ARID4A: variants seen among roughly 807,000 people sequenced by gnomAD.
ARID4A encodes AT-rich interaction domain 4A.
A neutral mutation model predicts 148.6 loss-of-function variants in ARID4A; 39 were observed. That is an observed-to-expected ratio of 0.26 (90% CI 0.20 to 0.34). ARID4A has a LOEUF of 0.34. ARID4A is among the 10% of genes least tolerant of loss of function. The pLI is 1.00. For synonymous variants in ARID4A, 475 were observed against 481.2 expected (o/e 0.99, Z 0.17); for missense variants, 1,265 against 1,449.1 (o/e 0.87, Z 2.06).
chr14:58,308,346 A>G (rs2031766052), intron 5 of ARID4A, among the ~76,000 whole-genome samples: 1 of 152,252 alleles, frequency 6.6e-6, no homozygotes, highest in Non-Finnish European at 1.5e-5. Flanking sequence ...AAGCCTCTCC[A>G]ATTAGTAGGC....
chr14:58,314,143 A>G (rs2032247392), intron 5 of ARID4A, among the ~76,000 whole-genome samples: 1 of 152,246 alleles, frequency 6.6e-6, no homozygotes, highest in African/African-American at 2.4e-5. Flanking sequence ...TTTGGAAAAT[A>G]TAAGACATTT....
intron 11 of ARID4A, among the ~76,000 whole-genome samples, chr14:58,335,836 G>A (rs556715305): frequency 1.3e-5 from 2 of 152,136 alleles, no homozygotes; most frequent in African/African-American, 4.8e-5. Context: ...CTACCTGCTC[G>A]AATAGCTCTC....
intron 9 of ARID4A, among the ~76,000 whole-genome samples, chr14:58,328,991 CA>C (rs10712188): frequency 0.69 from 98,955 of 142,434 alleles, 33,855 homozygotes; most frequent in African/African-American, 0.79. Context: ...GACTCTGTCT[CA>C]AAAAAAAAAA....
intron 5 of ARID4A, 86 bp downstream of exon 5, chr14:58,306,198 T>G: frequency 1.1e-6 from 1 of 948,572 alleles, no homozygotes; most frequent in Non-Finnish European, 1.7e-6. Context: ...ATTGTGTTGG[T>G]GGAGAAATAT....
intron 14 of ARID4A, 108 bp from the exon 15 acceptor site, chr14:58,347,539 A>AT: frequency 1.2e-6 from 1 of 854,972 alleles, no homozygotes. Context: ...AGTAACAAAA[A>AT]TTTTTTTAAA....
intron 5 of ARID4A, among the ~76,000 whole-genome samples, chr14:58,306,602 G>A (rs1451253859): frequency 2.6e-5 from 4 of 152,208 alleles, no homozygotes; most frequent in African/African-American, 9.6e-5. Context: ...TCAAGGTCGG[G>A]CATGTTGGCT....
Position 58,350,087 on chromosome 14 carries a change from C to T in ARID4A, c.1405-986C>T, listed in dbSNP as rs977137376. ...ACTGCTCTCCAGCCTGGCAACAGAG[C>T]GAGACTCTGTCTTAAAAAAAAAAAA... is the stretch of plus-strand genomic sequence containing the variant. On this transcript the variant is annotated intron_variant, in intron 15 of 23. Transcript: ENST00000355431. Among the ~76,000 whole-genome samples the T allele has an allele frequency of 4.7e-5, 6 of 126,992 alleles. No homozygotes were observed. The South Asian group carries it at 9.8e-4, about 21-fold the overall frequency. 83.3% of individuals were successfully genotyped at this position (126,992 alleles called of 152,430 possible). A position where few individuals can be genotyped will look rare whatever the true frequency, so the allele number is the denominator to read the frequency against.
At chr14:58,323,995 T>C (rs1019119244) in intron 8 of ARID4A, among the ~76,000 whole-genome samples, 2 of 148,782 alleles carry the variant, frequency 1.3e-5, no homozygotes, top group Admixed American at 6.8e-5. Flanking sequence ...AGCTCTGCCT[T>C]CCGGGTTCAC....
chr14:58,313,706 A>G (rs1236042555), intron 5 of ARID4A, among the ~76,000 whole-genome samples: 2 of 152,232 alleles, frequency 1.3e-5, no homozygotes, highest in Non-Finnish European at 2.9e-5. Flanking sequence ...AGCTGAGGAT[A>G]TAATTCTTAG....
chr14:58,347,748 A>G lies in ARID4A; in HGVS notation c.1274A>G (p.Glu425Gly), dbSNP rs1488951391. The stretch of plus-strand genomic sequence containing the variant: ...GTAAAAGAGGAAAAAAAAGACTTAG[A>G]AGAATCAATGGAAGAGGCTCTCAAA... Reference protein sequence around the residue: ...PKVKEEKKDLEESMEEALKLD... With the variant: ...PKVKEEKKDLGESMEEALKLD... The change falls in exon 15 of 24, where the codon GAA (glutamate) becomes GGA (glycine). Residue 425 changes from glutamate (E) to glycine (G), a missense_variant. Glu to Gly is a moderately conservative substitution (Grantham distance 98). Coordinates refer to ENST00000355431, the MANE Select transcript of ARID4A (RefSeq NM_002892.4). 6.2e-7 allele frequency: 1 copy of G among 1,613,772 alleles called. No individual in the cohort carries two copies. The highest frequency in any genetic ancestry group is 1.7e-5 in the Admixed American group (1 of 60,004).
intron 7 of ARID4A, among the ~76,000 whole-genome samples, chr14:58,320,867 A>G (rs889030057): frequency 2.6e-5 from 4 of 152,126 alleles, no homozygotes; most frequent in African/African-American, 7.2e-5. Context: ...TCGGCCTCCC[A>G]AAGTGTTGGG....
chr14:58,307,583 G>A (rs1479055022), intron 5 of ARID4A, among the ~76,000 whole-genome samples: 1 of 152,202 alleles, frequency 6.6e-6, no homozygotes, highest in Non-Finnish European at 1.5e-5. Flanking sequence ...ACTTTAGGGG[G>A]GCGAGGTGGG....
In ARID4A at chr14:58,301,707, T is replaced by A; in HGVS notation, c.117+17T>A. The A allele has an allele frequency of 6.3e-7, 1 of 1,589,576 alleles. No homozygotes were observed. Among genetic ancestry groups the A allele is most frequent in the Non-Finnish European group, 8.6e-7 (1 of 1,159,504 alleles). On this transcript the variant is annotated intron_variant, in intron 3 of 23. Coordinates refer to ENST00000355431, the MANE Select transcript of ARID4A (RefSeq NM_002892.4). Reference sequence around the variant, plus strand: ...AAAGTTAAGGTAATATTTGTTTTTATGCAATAGTTTTATTAACTCTAGATT... The same window carrying A: ...AAAGTTAAGGTAATATTTGTTTTTAAGCAATAGTTTTATTAACTCTAGATT...
chr14:58,299,424 C>A (rs1175246543), intron 1 of ARID4A: 1 of 165,252 alleles, frequency 6.1e-6, no homozygotes, highest in African/African-American at 2.4e-5. Context: ...GTCGGGGTAT[C>A]CGGGGGACCG....
intron 8 of ARID4A, among the ~76,000 whole-genome samples, chr14:58,326,660 G>T (rs1016318021): frequency 1.3e-5 from 2 of 152,160 alleles, no homozygotes; most frequent in Admixed American, 6.5e-5. Context: ...GTTTAGGAAC[G>T]TGAATGAAGA....
chr14:58,338,189 A>C (rs1328591431), intron 11 of ARID4A, among the ~76,000 whole-genome samples: 1 of 152,224 alleles, frequency 6.6e-6, no homozygotes, highest in South Asian at 2.1e-4. Context: ...TTAAAAATTC[A>C]ACAGATGTCT....
chr14:58,353,429 G>C (rs2034726369), intron 16 of ARID4A: 1 of 397,586 alleles, frequency 2.5e-6, no homozygotes, highest in Non-Finnish European at 4.5e-6. Flanking sequence ...GACTTGATTG[G>C]CTTTTAAAAA....
rs539706206 is a variant in ARID4A at position 58,348,322 on chromosome 14, G to A, written c.1404+444G>A. Among the ~76,000 whole-genome samples the A allele has an allele frequency of 6.6e-5, 10 of 152,210 alleles. No individual in the cohort carries two copies. In the South Asian group the frequency reaches 2.1e-3, roughly 32 times the overall value. On this transcript the variant is annotated intron_variant, in intron 15 of 23. Transcript: ENST00000355431. The stretch of plus-strand genomic sequence containing the variant: ...CTAGAATCACACTCCACGAGGTCAG[G>A]GATTAGTGTTTATTTCGTTTATTGA...
chr14:58,319,927 A>G lies in ARID4A; in HGVS notation c.449+1122A>G, dbSNP rs569917542. Among the ~76,000 whole-genome samples the G allele has an allele frequency of 1.1e-3, 165 of 147,406 alleles. 2 individuals carry two copies. The highest frequency in any genetic ancestry group is 4.0e-3 in the African/African-American group (163 of 40,298). On this transcript the variant is annotated intron_variant, in intron 7 of 23. Coordinates refer to ENST00000355431, the MANE Select transcript of ARID4A (RefSeq NM_002892.4). ...TTGCTTTACGATTCCCTCTCTATAT[A>G]TATACTAATTTTTTTCTTTTCTTTT...
Sources: gnomAD v4.1 joint callset for allele counts (sites outside exome capture counted in the v4.1 genomes callset) on GRCh38, gnomAD v4.1.1 for gene constraint, MANE v1.5 for transcripts, NCBI Gene and HGNC (gene_info 2026-07-23, HGNC 2026-07-21) for gene names.